DNAJB6: variants seen among roughly 807,000 people sequenced by gnomAD.
DNAJB6 encodes dnaJ homolog subfamily B member 6.
In DNAJB6, 16 loss-of-function variants were observed where a neutral mutation model predicts 42.7. That is an observed-to-expected ratio of 0.37 (90% CI 0.25 to 0.57). The LOEUF (loss-of-function observed/expected upper bound fraction) is 0.57. Ranked by LOEUF, DNAJB6 falls within the 20% of genes least tolerant of loss-of-function variation. The pLI is 0.74. For synonymous variants in DNAJB6, 170 were observed against 163.5 expected (o/e 1.04, Z -0.30); for missense variants, 347 against 416.8 (o/e 0.83, Z 1.46).
chr7:157,347,547 T>G (rs1181407316), intron 1 of DNAJB6, among the ~76,000 whole-genome samples: 2 of 152,192 alleles, frequency 1.3e-5, no homozygotes, highest in Admixed American at 6.5e-5. Context: ...TGACATTTAC[T>G]TAATTCCTTT....
At chr7:157,343,584 C>T (rs1449697692) in intron 1 of DNAJB6, among the ~76,000 whole-genome samples, 4 of 152,158 alleles carry the variant, frequency 2.6e-5, no homozygotes, top group South Asian at 2.1e-4. Context: ...CCTGCCTCAC[C>T]TGGAACTACA....
At chr7:157,414,141 T>C (rs375650666) in intron 9 of DNAJB6, 10 of 152,388 alleles carry the variant, frequency 6.6e-5, no homozygotes, top group Admixed American at 3.9e-4. Context: ...CCTCAGGCTT[T>C]CCGTCCCTAG....
At chr7:157,375,457 AACCAG>A (rs1800423971) in intron 5 of DNAJB6, among the ~76,000 whole-genome samples, 2 of 152,242 alleles carry the variant, frequency 1.3e-5, no homozygotes, top group South Asian at 4.2e-4. Flanking sequence ...AGATTACTCT[AACCAG>A]ACCTGGGAAG....
chr7:157,377,971 T>TA (rs1386406890), intron 5 of DNAJB6, among the ~76,000 whole-genome samples: 1 of 152,344 alleles, frequency 6.6e-6, no homozygotes, highest in East Asian at 1.9e-4. Context: ...CTGTGATGTT[T>TA]ACGGTTCTCC....
rs995356793 is a variant in DNAJB6, at chr7:157,409,815, C to T, written c.712C>T (p.Leu238Phe). Reference sequence around the variant, plus strand: ...TGCAGGTGTGGCCGACGACGATGCCCTCGCTGAGGAGCGCATGCGGAGAGG... The same window carrying T: ...TGCAGGTGTGGCCGACGACGATGCCTTCGCTGAGGAGCGCATGCGGAGAGG... ...TINGVADDDA[L>F]AEERMRRGQN... The change falls in exon 9 of 10, where the codon CTC (leucine) becomes TTC (phenylalanine). Residue 238 changes from leucine (L) to phenylalanine (F), a missense_variant. By Grantham distance (22) the Leu-to-Phe change is conservative (BLOSUM62 0). This residue lies in a region of DNAJB6 where 264 missense variants were observed against 288.0 expected (regional missense o/e 0.92). Transcript: ENST00000262177. The T allele has an allele frequency of 3.3e-6, 5 of 1,530,950 alleles. No individual in the cohort carries two copies. The highest frequency in any genetic ancestry group is 2.5e-5 in the East Asian group (1 of 40,698). 94.8% of individuals were successfully genotyped at this position (1,530,950 alleles called of 1,614,324 possible).
chr7:157,406,753 G>A (rs1458697255), intron 8 of DNAJB6, among the ~76,000 whole-genome samples: 1 of 152,264 alleles, frequency 6.6e-6, no homozygotes, highest in Admixed American at 6.5e-5. Context: ...GGCGGTCTCA[G>A]CCTCTGAGGA....
chr7:157,400,318 G>C (rs1487966735), intron 8 of DNAJB6, among the ~76,000 whole-genome samples: 1 of 151,378 alleles, frequency 6.6e-6, no homozygotes, highest in Non-Finnish European at 1.5e-5. Flanking sequence ...TGTACGTAGG[G>C]AGGTCTGAGC....
chr7:157,342,587 G>T (rs1798458472), intron 1 of DNAJB6, among the ~76,000 whole-genome samples: 1 of 152,152 alleles, frequency 6.6e-6, no homozygotes, highest in Admixed American at 6.6e-5. Flanking sequence ...CTCCCAAAGT[G>T]TTGGGATTAC....
chr7:157,363,112 G>T (rs1342406586), intron 2 of DNAJB6, 49 bp from the exon 3 acceptor site: 1 of 1,342,136 alleles, frequency 7.5e-7, no homozygotes, highest in Non-Finnish European at 1.0e-6. Flanking sequence ...CAAAAGCATA[G>T]TTGATTTCTG....
intron 8 of DNAJB6, among the ~76,000 whole-genome samples, chr7:157,407,871 G>T (rs778366812): frequency 1.3e-5 from 2 of 152,190 alleles, no homozygotes; most frequent in Non-Finnish European, 2.9e-5. Context: ...CTGTCCCAGA[G>T]CCCTCCTCGC....
rs371404641 is a variant in DNAJB6 at position 157,340,989 on chromosome 7, T to C, written c.-27+3845T>C. 7.2e-3 allele frequency among the ~76,000 whole-genome samples: 543 copies of C among 74,996 alleles called. 3 individuals carry two copies. The highest frequency in any genetic ancestry group is 0.037 in the East Asian group (70 of 1,890). The allele number at this position is 74,996 out of a possible 152,430, so 49.2% of individuals were successfully genotyped here. On this transcript the variant is annotated intron_variant, in intron 1 of 9. Coordinates refer to ENST00000262177, the MANE Select transcript of DNAJB6 (RefSeq NM_058246.4). ...CTGTGTGTGTGTGTGTGTGTGTGTGTGTGTGTGTGCGCGCGCGCAGGTGGA... is the reference window on the plus strand; with the variant it reads ...CTGTGTGTGTGTGTGTGTGTGTGTGCGTGTGTGTGCGCGCGCGCAGGTGGA...
At chr7:157,348,619 A>T (rs1241645805) in intron 1 of DNAJB6, among the ~76,000 whole-genome samples, 3 of 152,096 alleles carry the variant, frequency 2.0e-5, no homozygotes, top group African/African-American at 7.2e-5. Flanking sequence ...CCGTCCAGTC[A>T]TCACTCTCTT....
intron 6 of DNAJB6, among the ~76,000 whole-genome samples, chr7:157,383,704 C>T (rs546553105): frequency 1.3e-5 from 2 of 151,814 alleles, no homozygotes; most frequent in Non-Finnish European, 2.9e-5. Flanking sequence ...AGAATAAATA[C>T]TTAGCGAGGC....
At chr7:157,398,366 C>G (rs892291942) in intron 8 of DNAJB6, among the ~76,000 whole-genome samples, 14 of 151,944 alleles carry the variant, frequency 9.2e-5, no homozygotes, top group Non-Finnish European at 2.1e-4. Context: ...ACTAACCCCC[C>G]TCTCTCCCCA....
intron 1 of DNAJB6, among the ~76,000 whole-genome samples, chr7:157,347,370 G>A (rs541128974): frequency 5.3e-5 from 8 of 152,252 alleles, no homozygotes; most frequent in African/African-American, 1.9e-4. Flanking sequence ...AGGCAAACTT[G>A]GATTCTTACT....
intron 7 of DNAJB6, 52 bp downstream of exon 7, chr7:157,385,060 A>C (rs1214410757): frequency 3.2e-6 from 5 of 1,571,066 alleles, no homozygotes; most frequent in African/African-American, 1.4e-5. Flanking sequence ...GTAACGTTTC[A>C]CTGGTGCCAT....
intron 5 of DNAJB6, among the ~76,000 whole-genome samples, chr7:157,376,620 C>G (rs953478424): frequency 1.3e-5 from 2 of 152,152 alleles, no homozygotes; most frequent in African/African-American, 4.8e-5. Context: ...CAGATCATAA[C>G]CTGTAATCCC....
chr7:157,402,011 C>T (rs552173585), intron 8 of DNAJB6, among the ~76,000 whole-genome samples: 7 of 152,308 alleles, frequency 4.6e-5, no homozygotes, highest in East Asian at 3.9e-4. Flanking sequence ...CCCCTGCGGT[C>T]GCTGTGACGG....
intron 8 of DNAJB6, among the ~76,000 whole-genome samples, chr7:157,405,261 G>A (rs1437050242): frequency 2.0e-5 from 3 of 152,184 alleles, no homozygotes; most frequent in Admixed American, 1.3e-4. Flanking sequence ...GAATGTCCTG[G>A]GGGCTCTTTG....
Sources: allele counts gnomAD v4.1 joint callset (sites outside exome capture counted in the v4.1 genomes callset), GRCh38; gene constraint gnomAD v4.1.1; regional missense constraint gnomAD v4.1.1; transcripts MANE v1.5; gene names NCBI Gene and HGNC (gene_info 2026-07-23, HGNC 2026-07-21).